The following SLC28A3 variants were observed in gnomAD, a reference collection of about 807,000 sequenced individuals.
The protein encoded by SLC28A3 is concentrative Na(+)-nucleoside cotransporter 3.
Under a neutral mutation model 84.2 loss-of-function variants are expected in SLC28A3, and 68 were observed. The observed-to-expected ratio is 0.81, with a 90% CI of 0.66 to 0.99. SLC28A3 has a LOEUF of 0.99. Among genes scored for constraint, SLC28A3 ranks in the 50% least tolerant of loss-of-function variants. The pLI, the probability that SLC28A3 is intolerant of heterozygous loss-of-function variation, is 0.00. For synonymous variants in SLC28A3, 267 were observed against 303.6 expected (o/e 0.88, Z 1.25); for missense variants, 712 against 841.5 (o/e 0.85, Z 1.90).
the SLC28A3 span, among the ~76,000 whole-genome samples, chr9:84,366,989 C>G: frequency 6.6e-6 from 1 of 152,180 alleles, no homozygotes; most frequent in Admixed American, 6.5e-5. Context: ...CAAGCTCCCC[C>G]AGGCCTTTGG....
intron 11 of SLC28A3, 75 bp from the exon 12 acceptor site, chr9:84,288,253 C>T (rs1230528515): frequency 1.9e-6 from 3 of 1,594,780 alleles, no homozygotes; most frequent in East Asian, 4.5e-5. Context: ...TCCAAGAGCT[C>T]CGCAAGGGAA....
chr9:84,313,527 C>A, intron 1 of SLC28A3, 73 bp from the exon 2 acceptor site: 1 of 1,256,510 alleles, frequency 8.0e-7, no homozygotes, highest in Non-Finnish European at 1.1e-6. Flanking sequence ...TGAAAAATAC[C>A]TAGAGGAATT....
chr9:84,349,852 A>G, the SLC28A3 span, among the ~76,000 whole-genome samples: 1 of 152,252 alleles, frequency 6.6e-6, no homozygotes, highest in South Asian at 2.1e-4. Flanking sequence ...AGTCTGGAAG[A>G]TTTCCAGAGA....
At chr9:84,336,236 T>C (rs1458999967) in intron 1 of SLC28A3, among the ~76,000 whole-genome samples, 2 of 152,148 alleles carry the variant, frequency 1.3e-5, no homozygotes, top group Non-Finnish European at 2.9e-5. Flanking sequence ...GCACGGTGGC[T>C]CACGCCTGTA....
At chr9:84,310,106 G>A (rs999961236) in intron 2 of SLC28A3, among the ~76,000 whole-genome samples, 2 of 152,134 alleles carry the variant, frequency 1.3e-5, no homozygotes, top group African/African-American at 2.4e-5. Context: ...TGCCAGCCCC[G>A]GTTTCCAAAT....
chr9:84,358,437 C>T, the SLC28A3 span, among the ~76,000 whole-genome samples: 1 of 152,154 alleles, frequency 6.6e-6, no homozygotes, highest in Non-Finnish European at 1.5e-5. Context: ...ACCTGTGTTC[C>T]ATGGTGCGGG....
At chr9:84,324,277 C>G (rs1186795460) in intron 1 of SLC28A3, among the ~76,000 whole-genome samples, 1 of 152,210 alleles carries the variant, frequency 6.6e-6, no homozygotes, top group Non-Finnish European at 1.5e-5. Flanking sequence ...TAACTAACTT[C>G]CTCCTTGCAA....
intron 6 of SLC28A3, among the ~76,000 whole-genome samples, chr9:84,298,297 G>A (rs1432353766): frequency 6.6e-6 from 1 of 152,222 alleles, no homozygotes; most frequent in East Asian, 1.9e-4. Flanking sequence ...GACCAGCCTG[G>A]CCACCATGGC....
At chr9:84,309,561 G>C in intron 3 of SLC28A3, 68 bp downstream of exon 3, 1 of 980,092 alleles carries the variant, frequency 1.0e-6, no homozygotes, top group Non-Finnish European at 1.5e-6. Context: ...AATCAAATGG[G>C]GATAAAACAA....
chr9:84,359,872 G>A, the SLC28A3 span, among the ~76,000 whole-genome samples: 1 of 151,742 alleles, frequency 6.6e-6, no homozygotes, highest in Non-Finnish European at 1.5e-5. Flanking sequence ...ATGGTGGCAC[G>A]TGCCTGTATT....
chr9:84,323,264 G>C (rs772186766), intron 1 of SLC28A3, among the ~76,000 whole-genome samples: 1 of 152,198 alleles, frequency 6.6e-6, no homozygotes, highest in African/African-American at 2.4e-5. Flanking sequence ...GCAAGTATAT[G>C]ATGTGGAGTA....
rs867243100 is a variant in SLC28A3 at position 84,304,708 on chromosome 9, G to A, written c.334+546C>T. On this transcript the variant is annotated intron_variant, in intron 4 of 17. Transcript: ENST00000376238. Reference sequence around the variant, plus strand: ...ACAATAACAAAGGCTATAAGAATGAGGAGAGTAAGTGAGTCCAAAAATTAG... The same window carrying A: ...ACAATAACAAAGGCTATAAGAATGAAGAGAGTAAGTGAGTCCAAAAATTAG... Among the ~76,000 whole-genome samples, 103 of 152,260 alleles carry A rather than the reference G, an allele frequency of 6.8e-4. 1 individual carries two copies. Among genetic ancestry groups the A allele is most frequent in the African/African-American group, 2.2e-3 (91 of 41,562 alleles).
At chr9:84,308,297 G>T (rs1240438864) in intron 3 of SLC28A3, among the ~76,000 whole-genome samples, 1 of 152,082 alleles carries the variant, frequency 6.6e-6, no homozygotes. Context: ...TGTAATCCTG[G>T]CACTTTGGGA....
intron 14 of SLC28A3, among the ~76,000 whole-genome samples, chr9:84,284,338 G>T (rs187930439): frequency 6.6e-6 from 1 of 152,272 alleles, no homozygotes; most frequent in East Asian, 1.9e-4. Context: ...GATGTGTTGG[G>T]TCAAAATGCC....
intron 11 of SLC28A3, among the ~76,000 whole-genome samples, chr9:84,288,804 C>T (rs535387405): frequency 6.6e-6 from 1 of 152,256 alleles, no homozygotes; most frequent in East Asian, 1.9e-4. Context: ...GCCTTGGTCC[C>T]TCAAAGTGCT....
intron 8 of SLC28A3, 143 bp downstream of exon 8, chr9:84,297,078 A>G (rs1361728799): frequency 5.3e-6 from 3 of 566,748 alleles, no homozygotes; most frequent in Non-Finnish European, 9.2e-6. Flanking sequence ...GTCAGTGGAA[A>G]AGAGCAGTGA....
intron 15 of SLC28A3, among the ~76,000 whole-genome samples, chr9:84,280,579 TG>T (rs1824708776): frequency 6.6e-6 from 1 of 152,176 alleles, no homozygotes; most frequent in African/African-American, 2.4e-5. Flanking sequence ...ACCCCTGGGC[TG>T]GGAGAAGCAT....
intron 11 of SLC28A3, among the ~76,000 whole-genome samples, chr9:84,289,522 G>T (rs1404232413): frequency 6.6e-6 from 1 of 152,204 alleles, no homozygotes; most frequent in Non-Finnish European, 1.5e-5. Flanking sequence ...TGATGGCTGG[G>T]TCTCATCCCA....
chr9:84,359,153 C>T, the SLC28A3 span, among the ~76,000 whole-genome samples: 1 of 152,144 alleles, frequency 6.6e-6, no homozygotes, highest in South Asian at 2.1e-4. Flanking sequence ...CTCCGGTTGC[C>T]ACCTAGGCAT....
Sources: allele counts gnomAD v4.1 joint callset (sites outside exome capture counted in the v4.1 genomes callset), GRCh38; gene constraint gnomAD v4.1.1; transcripts MANE v1.5; gene names NCBI Gene and HGNC (gene_info 2026-07-23, HGNC 2026-07-21).